The following EIPR1 variants were observed in gnomAD, a reference collection of about 807,000 sequenced individuals.
The protein encoded by EIPR1 is EARP complex and GARP complex interacting protein 1.
Under a neutral mutation model 48.1 loss-of-function variants are expected in EIPR1, and 25 were observed. The ratio of observed to expected loss-of-function variants is 0.52; its 90% confidence interval spans 0.38 to 0.73. The LOEUF (loss-of-function observed/expected upper bound fraction) is 0.73, where lower values mean the gene tolerates loss of function less well. Among genes scored for constraint, EIPR1 ranks in the 30% least tolerant of loss-of-function variants. EIPR1 has a pLI of 0.00. For synonymous variants in EIPR1, 204 were observed against 201.9 expected (o/e 1.01, Z -0.09); for missense variants, 415 against 506.2 (o/e 0.82, Z 1.73).
chr2:3,293,579 G>A (rs990115242), intron 3 of EIPR1, among the ~76,000 whole-genome samples: 8 of 152,140 alleles, frequency 5.3e-5, no homozygotes, highest in South Asian at 4.2e-4. Context: ...CAGTCCCCAC[G>A]GGCACCTCAG....
chr2:3,272,196 T>C (rs958996960), intron 3 of EIPR1, among the ~76,000 whole-genome samples: 3 of 152,250 alleles, frequency 2.0e-5, no homozygotes, highest in Non-Finnish European at 2.9e-5. Context: ...TGTGCATGAT[T>C]TGGATCATCT....
At chr2:3,226,107 G>A (rs1666056964) in intron 4 of EIPR1, among the ~76,000 whole-genome samples, 1 of 152,228 alleles carries the variant, frequency 6.6e-6, no homozygotes, top group South Asian at 2.1e-4. Flanking sequence ...ACATGGAGGT[G>A]CAGGGATCTC....
intron 3 of EIPR1, among the ~76,000 whole-genome samples, chr2:3,307,201 A>G (rs1668973647): frequency 6.6e-6 from 1 of 152,118 alleles, no homozygotes; most frequent in Non-Finnish European, 1.5e-5. Flanking sequence ...ACCTCAAATG[A>G]TCCGCCTACC....
At chr2:3,356,749 A>G (rs115762514) in intron 1 of EIPR1, among the ~76,000 whole-genome samples, 95 of 152,292 alleles carry the variant, frequency 6.2e-4, no homozygotes, top group African/African-American at 2.1e-3. Flanking sequence ...AGCCCCAGAG[A>G]AATGTGACCA....
chr2:3,377,523 A>C, intron 1 of EIPR1, 125 bp downstream of exon 1: 1 of 1,249,268 alleles, frequency 8.0e-7, no homozygotes, highest in Admixed American at 2.2e-5. Flanking sequence ...GCAAAATGGG[A>C]ACTAGGGAAC....
intron 2 of EIPR1, chr2:3,353,313 C>T (rs1256424976): frequency 2.1e-6 from 1 of 471,070 alleles, no homozygotes; most frequent in African/African-American, 2.0e-5. Context: ...TATTTCCTTC[C>T]AGTCTTTATT....
chr2:3,340,030 C>T (rs1053456495), intron 2 of EIPR1, among the ~76,000 whole-genome samples: 2 of 152,234 alleles, frequency 1.3e-5, no homozygotes, highest in Non-Finnish European at 1.5e-5. Flanking sequence ...GCTCCCCTTT[C>T]GCCTTCCGCC....
At chr2:3,296,685 G>A (rs1285190604) in intron 3 of EIPR1, among the ~76,000 whole-genome samples, 7 of 118,512 alleles carry the variant, frequency 5.9e-5, no homozygotes, top group East Asian at 2.7e-4. Context: ...CATCCAGCCC[G>A]TCCTCTCTCT....
At chr2:3,226,033 C>T (rs1666054358) in intron 4 of EIPR1, among the ~76,000 whole-genome samples, 7 of 152,224 alleles carry the variant, frequency 4.6e-5, no homozygotes, top group Admixed American at 4.6e-4. Flanking sequence ...TTTATCCCTT[C>T]ATCTGTCAAA....
intron 3 of EIPR1, among the ~76,000 whole-genome samples, chr2:3,323,684 G>C (rs1326475580): frequency 6.6e-6 from 1 of 152,176 alleles, no homozygotes; most frequent in Non-Finnish European, 1.5e-5. Context: ...AGCTATGGTG[G>C]CAAGACGTGA....
At chr2:3,351,419 A>G (rs1670575462) in intron 2 of EIPR1, among the ~76,000 whole-genome samples, 1 of 152,248 alleles carries the variant, frequency 6.6e-6, no homozygotes, top group African/African-American at 2.4e-5. Context: ...TAATTTACTC[A>G]TAACTATCAT....
intron 1 of EIPR1, chr2:3,377,241 T>C (rs1324907822): frequency 5.4e-6 from 1 of 183,574 alleles, no homozygotes; most frequent in African/African-American, 2.3e-5. Flanking sequence ...AAGAACTTTC[T>C]ATGTATTTTT....
At chr2:3,297,398 G>T (rs1668634544) in intron 3 of EIPR1, among the ~76,000 whole-genome samples, 1 of 152,226 alleles carries the variant, frequency 6.6e-6, no homozygotes, top group Admixed American at 6.5e-5. Context: ...TAAGCACAGG[G>T]CTCAGCAGAT....
intron 3 of EIPR1, chr2:3,262,240 T>A (rs1667355635): frequency 6.6e-6 from 1 of 152,234 alleles, no homozygotes; most frequent in African/African-American, 2.4e-5. Context: ...CCATTTTCTA[T>A]CATAATATAG....
intron 1 of EIPR1, among the ~76,000 whole-genome samples, chr2:3,362,663 AAGG>A (rs988553520): frequency 1.3e-5 from 2 of 151,762 alleles, no homozygotes; most frequent in African/African-American, 4.8e-5. Context: ...AAAAAAAAAA[AAGG>A]AGAAGAAAAA....
chr2:3,194,003 G>C lies in EIPR1; in HGVS notation c.817C>G (p.His273Asp). Residue 273 changes from histidine to aspartate, a missense_variant, in exon 7 of 9, where the codon CAC becomes GAC. Physicochemically the swap from His to Asp is moderately conservative, Grantham distance 81 (BLOSUM62 -1). Coordinates refer to ENST00000382125, the MANE Select transcript of EIPR1 (RefSeq NM_003310.5). ...EPVKTLEEHS[H>D]WVWNVRYNHS... ...AGCAGCCAGGAGCGGCCCTACCAGT[G>C]GGAGTGCTCCTCCAGGGTCTTCACG... 6.2e-7 allele frequency: 1 copy of C among 1,613,618 alleles called. No homozygotes were observed. Among genetic ancestry groups the C allele is most frequent in the Non-Finnish European group, 8.5e-7 (1 of 1,179,962 alleles).
intron 4 of EIPR1, among the ~76,000 whole-genome samples, chr2:3,222,273 G>A (rs1346667827): frequency 6.6e-6 from 1 of 152,236 alleles, no homozygotes; most frequent in Admixed American, 6.5e-5. Flanking sequence ...TGTATTTCCT[G>A]CAGGAAATCG....
chr2:3,343,277 ACCACCCT>A (rs1485027716), intron 2 of EIPR1, among the ~76,000 whole-genome samples: 1 of 152,222 alleles, frequency 6.6e-6, no homozygotes, highest in African/African-American at 2.4e-5. Flanking sequence ...TTCTCAGGGC[ACCACCCT>A]ACACCCAGCT....
intron 3 of EIPR1, among the ~76,000 whole-genome samples, chr2:3,269,704 C>G (rs775011931): frequency 6.6e-5 from 10 of 151,666 alleles, no homozygotes; most frequent in Admixed American, 4.6e-4. Context: ...TCATCACACT[C>G]AATCATCGCA....
Sources: gnomAD v4.1 joint callset for allele counts (sites outside exome capture counted in the v4.1 genomes callset) on GRCh38, gnomAD v4.1.1 for gene constraint, MANE v1.5 for transcripts, NCBI Gene and HGNC (gene_info 2026-07-23, HGNC 2026-07-21) for gene names.